SH3RF2: variants seen among roughly 807,000 people sequenced by gnomAD.
SH3RF2 encodes the protein SH3 domain containing ring finger 2.
A neutral mutation model predicts 59.0 loss-of-function variants in SH3RF2; 43 were observed. That is an observed-to-expected ratio of 0.73 (90% CI 0.57 to 0.94). SH3RF2 has a LOEUF of 0.94. Ranked by LOEUF, SH3RF2 falls within the 40% of genes least tolerant of loss-of-function variation. SH3RF2 has a pLI of 0.00. For synonymous variants in SH3RF2, 391 were observed against 391.5 expected (o/e 1.00, Z 0.01); for missense variants, 930 against 940.1 (o/e 0.99, Z 0.14).
intron 5 of SH3RF2, among the ~76,000 whole-genome samples, chr5:146,034,889 T>C (rs1157382380): frequency 6.6e-6 from 1 of 152,142 alleles, no homozygotes; most frequent in Non-Finnish European, 1.5e-5. Context: ...GGTGAATCAC[T>C]TGAGGTCAGA....
At chr5:146,014,367 C>T (rs952718866) in intron 5 of SH3RF2, among the ~76,000 whole-genome samples, 4 of 152,118 alleles carry the variant, frequency 2.6e-5, no homozygotes, top group Admixed American at 6.6e-5. Flanking sequence ...GCCATGATAT[C>T]GTTCCTGTCC....
At chr5:146,039,896 G>A (rs1054847087) in intron 5 of SH3RF2, among the ~76,000 whole-genome samples, 1 of 152,334 alleles carries the variant, frequency 6.6e-6, no homozygotes, top group East Asian at 1.9e-4. Context: ...TATAGACACA[G>A]AACGAAATGT....
intron 5 of SH3RF2, among the ~76,000 whole-genome samples, chr5:146,019,461 T>C (rs1761227209): frequency 6.6e-6 from 1 of 152,208 alleles, no homozygotes; most frequent in Non-Finnish European, 1.5e-5. Flanking sequence ...TCTATTCCAT[T>C]GGTCTATGTG....
rs951127097 is a variant in SH3RF2 at position 146,005,855 on chromosome 5, A to T, written c.744+1702A>T. Among the ~76,000 whole-genome samples, 11 of 21,318 alleles carry T rather than the reference A, an allele frequency of 5.2e-4. No homozygotes were observed. In the South Asian group the frequency reaches 0.044, roughly 86 times the overall value. 14.0% of individuals were successfully genotyped at this position (21,318 alleles called of 152,430 possible). ...CTAACACAGAACAAGCACTCTGTTT[A>T]AAAAAAAAAAAAAAAAGCTTAGCAA... On this transcript the variant is annotated intron_variant, in intron 4 of 9. Transcript: ENST00000359120.
Position 146,000,120 on chromosome 5 carries a change from T to A in SH3RF2, c.441T>A (p.Asn147Lys). 6.2e-7 allele frequency: 1 copy of A among 1,613,852 alleles called. No individual in the cohort carries two copies. Among genetic ancestry groups the A allele is most frequent in the South Asian group, 1.1e-5 (1 of 91,004 alleles). ...RGQNPGDLRFNKGDIILLRRQ... is the reference protein window; with the variant it reads ...RGQNPGDLRFKKGDIILLRRQ... ...AGAATCCCGGTGACCTAAGGTTTAA[T>A]AAGGGAGATATCATCCTTCTCCGGA... Residue 147 changes from asparagine (N) to lysine (K), a missense_variant, in exon 3 of 10, where the codon AAT becomes AAA. Physicochemically the swap from Asn to Lys is moderately conservative, Grantham distance 94. Transcript: ENST00000359120.
chr5:146,035,490 C>G (rs1163645361), intron 5 of SH3RF2, among the ~76,000 whole-genome samples: 1 of 151,892 alleles, frequency 6.6e-6, no homozygotes, highest in African/African-American at 2.4e-5. Flanking sequence ...GAATTTAGGG[C>G]CAGGCAGGTT....
intron 8 of SH3RF2, among the ~76,000 whole-genome samples, chr5:146,057,174 G>T (rs558667032): frequency 6.6e-6 from 1 of 152,176 alleles, no homozygotes; most frequent in Admixed American, 6.5e-5. Flanking sequence ...GAAGAGTAAC[G>T]TGTGGGACAA....
intron 2 of SH3RF2, among the ~76,000 whole-genome samples, chr5:145,969,276 A>T (rs969192261): frequency 6.6e-6 from 1 of 152,230 alleles, no homozygotes; most frequent in Admixed American, 6.5e-5. Context: ...CTTATTTATG[A>T]AACATTTAAA....
At chr5:146,052,952 A>G (rs1259111618) in intron 7 of SH3RF2, among the ~76,000 whole-genome samples, 9 of 152,110 alleles carry the variant, frequency 5.9e-5, no homozygotes, top group Admixed American at 5.9e-4. Flanking sequence ...TCTTCTGTTT[A>G]TAATGATGGC....
At chr5:145,993,498 T>G (rs565143975) in intron 2 of SH3RF2, among the ~76,000 whole-genome samples, 1 of 152,354 alleles carries the variant, frequency 6.6e-6, no homozygotes, top group South Asian at 2.1e-4. Flanking sequence ...CATCCAGGTG[T>G]TTCCATACAT....
intron 8 of SH3RF2, among the ~76,000 whole-genome samples, chr5:146,056,759 C>A (rs1762685797): frequency 6.6e-6 from 1 of 152,190 alleles, no homozygotes; most frequent in South Asian, 2.1e-4. Flanking sequence ...ATATCCTTAA[C>A]CCTGAGTCCC....
chr5:145,995,345 A>AT lies in SH3RF2; in HGVS notation c.379-4711dup, dbSNP rs147076920. On this transcript the variant is annotated intron_variant, in intron 2 of 9. Coordinates refer to ENST00000359120, the MANE Select transcript of SH3RF2 (RefSeq NM_152550.4). ...AGTCATGTACCCAGAAAAATGTGAT[A>AT]TTACAATGGAAAATTGAGAGGAAGA... 1.5e-3 allele frequency among the ~76,000 whole-genome samples: 235 copies of AT among 152,330 alleles called. 2 individuals carry two copies. The highest frequency in any genetic ancestry group is 5.5e-3 in the African/African-American group (228 of 41,568).
intron 9 of SH3RF2, among the ~76,000 whole-genome samples, chr5:146,075,450 G>A (rs1005045161): frequency 1.3e-5 from 2 of 152,200 alleles, no homozygotes; most frequent in African/African-American, 4.8e-5. Flanking sequence ...GAACTGTGGG[G>A]TTTGGAAATA....
intron 2 of SH3RF2, among the ~76,000 whole-genome samples, chr5:145,953,243 T>C (rs757391559): frequency 3.3e-5 from 5 of 152,138 alleles, no homozygotes; most frequent in African/African-American, 9.7e-5. Context: ...AGATATTTTA[T>C]TAGGGTGGTC....
At chr5:146,040,547 C>A (rs1393871332) in intron 5 of SH3RF2, among the ~76,000 whole-genome samples, 1 of 152,062 alleles carries the variant, frequency 6.6e-6, no homozygotes, top group African/African-American at 2.4e-5. Flanking sequence ...CACAGAGGAT[C>A]TTCCAAATTT....
intron 4 of SH3RF2, among the ~76,000 whole-genome samples, chr5:146,012,097 T>C (rs990885310): frequency 3.3e-5 from 5 of 152,220 alleles, no homozygotes; most frequent in African/African-American, 9.7e-5. Context: ...TGAAGGGCTG[T>C]TGAATTTTAT....
At chr5:146,041,458 C>T (rs949041498) in intron 5 of SH3RF2, among the ~76,000 whole-genome samples, 1 of 152,202 alleles carries the variant, frequency 6.6e-6, no homozygotes, top group African/African-American at 2.4e-5. Flanking sequence ...AACCCCAGTG[C>T]CTAGCACGGT....
chr5:146,007,028 C>T (rs775024916), intron 4 of SH3RF2, among the ~76,000 whole-genome samples: 1 of 152,196 alleles, frequency 6.6e-6, no homozygotes, highest in Non-Finnish European at 1.5e-5. Flanking sequence ...GAACCAGTCA[C>T]ATAGCCTGAT....
intron 9 of SH3RF2, among the ~76,000 whole-genome samples, chr5:146,075,483 T>A (rs1763322173): frequency 6.6e-6 from 1 of 152,080 alleles, no homozygotes; most frequent in African/African-American, 2.4e-5. Flanking sequence ...CTGGCTCCAG[T>A]CTGTGGCTGC....
Sources: gnomAD v4.1 joint callset for allele counts (sites outside exome capture counted in the v4.1 genomes callset) on GRCh38, gnomAD v4.1.1 for gene constraint, MANE v1.5 for transcripts, NCBI Gene and HGNC (gene_info 2026-07-23, HGNC 2026-07-21) for gene names.